The following STAG1 variants were observed in gnomAD, a reference collection of about 807,000 sequenced individuals.
STAG1 encodes STAG1 cohesin complex component.
In STAG1, 26 loss-of-function variants were observed where a neutral mutation model predicts 170.9. That is an observed-to-expected ratio of 0.15 (90% confidence interval 0.11 to 0.21). STAG1 has a LOEUF of 0.21. Ranked by LOEUF, STAG1 falls within the 10% of genes least tolerant of loss-of-function variation. The pLI, the probability that STAG1 is intolerant of heterozygous loss-of-function variation, is 1.00. For synonymous variants in STAG1, 514 were observed against 497.7 expected (o/e 1.03, Z -0.44); for missense variants, 964 against 1,509.5 (o/e 0.64, Z 5.99).
At chr3:136,442,693 T>TA (rs56744994) in intron 15 of STAG1, among the ~76,000 whole-genome samples, 54,646 of 148,638 alleles carry the variant, frequency 0.37, 10,891 homozygotes, top group African/African-American at 0.53. Flanking sequence ...TGGATGTACT[T>TA]AAAAAAAAAA....
rs1213400411 is a variant in STAG1 at position 136,702,115 on chromosome 3, G to GAGAGAGAC, written c.-84+50072_-84+50079dup. Among the ~76,000 whole-genome samples the GAGAGAGAC allele has an allele frequency of 3.7e-3, 245 of 66,348 alleles. 2 individuals are homozygous for GAGAGAGAC. The highest frequency in any genetic ancestry group is 7.0e-3 in the South Asian group (13 of 1,868). The allele number at this position is 66,348 out of a possible 152,430, so 43.5% of individuals were successfully genotyped here. A position where few individuals can be genotyped will look rare whatever the true frequency, so the allele number is the denominator to read the frequency against. Reference sequence around the variant, plus strand: ...AGAGAGAGAGAGAGAGAGAGAGAGAGAGAGAGACAGAGAGACAGAGAGACA... The same window carrying GAGAGAGAC: ...AGAGAGAGAGAGAGAGAGAGAGAGAGAGAGAGACAGAGAGACAGAGAGACAGAGAGACA... On this transcript the variant is annotated intron_variant, in intron 1 of 33. Coordinates refer to ENST00000383202, the MANE Select transcript of STAG1 (RefSeq NM_005862.3).
chr3:136,542,024 C>T (rs931882762), intron 6 of STAG1, 95 bp downstream of exon 6: 2 of 916,104 alleles, frequency 2.2e-6, no homozygotes, highest in African/African-American at 1.7e-5. Context: ...TTCAGTTACA[C>T]TAAACATCAA....
intron 25 of STAG1, among the ~76,000 whole-genome samples, chr3:136,363,947 T>C (rs1215560523): frequency 6.6e-6 from 1 of 152,076 alleles, no homozygotes; most frequent in East Asian, 1.9e-4. Context: ...TTTGTAGAGA[T>C]GGGGTTTTTG....
chr3:136,687,328 G>A (rs1942562415), intron 1 of STAG1, among the ~76,000 whole-genome samples: 1 of 152,074 alleles, frequency 6.6e-6, no homozygotes, highest in African/African-American at 2.4e-5. Context: ...CTACTATATT[G>A]TTGGAAGACA....
intron 20 of STAG1, among the ~76,000 whole-genome samples, chr3:136,419,476 T>A (rs879579895): frequency 1.3e-5 from 2 of 151,208 alleles, no homozygotes; most frequent in Non-Finnish European, 2.9e-5. Flanking sequence ...AAAGAGAGAG[T>A]CTTGCTCTGT....
intron 12 of STAG1, among the ~76,000 whole-genome samples, chr3:136,467,626 C>A (rs1294909961): frequency 6.6e-6 from 1 of 152,106 alleles, no homozygotes; most frequent in East Asian, 1.9e-4. Flanking sequence ...AAAGGATATC[C>A]AGGAATTGAA....
intron 6 of STAG1, among the ~76,000 whole-genome samples, chr3:136,540,738 C>T (rs886850365): frequency 7.4e-6 from 1 of 135,328 alleles, no homozygotes; most frequent in African/African-American, 2.7e-5. Context: ...ATGAGAACTG[C>T]TTGAACCGGG....
chr3:136,498,192 T>TAA lies in STAG1; in HGVS notation c.902+2029_902+2030dup, dbSNP rs71157387. On this transcript the variant is annotated intron_variant, in intron 9 of 33. Coordinates refer to ENST00000383202, the MANE Select transcript of STAG1 (RefSeq NM_005862.3). ...GGGCAACAAGAGCAAAACTCCATCTTAAAAAAAAAAAAAAAAATTATATAT... is the reference window on the plus strand; with the variant it reads ...GGGCAACAAGAGCAAAACTCCATCTTAAAAAAAAAAAAAAAAAAATTATATAT... 8.7e-4 allele frequency among the ~76,000 whole-genome samples: 52 copies of TAA among 59,992 alleles called. 1 individual carries two copies. Among genetic ancestry groups the TAA allele is most frequent in the African/African-American group, 2.3e-3 (36 of 15,378 alleles). 39.4% of individuals were successfully genotyped at this position (59,992 alleles called of 152,430 possible).
intron 10 of STAG1, among the ~76,000 whole-genome samples, chr3:136,474,565 A>G (rs1005041904): frequency 1.3e-4 from 20 of 152,206 alleles, no homozygotes; most frequent in African/African-American, 3.6e-4. Flanking sequence ...TTCATAGCCA[A>G]TATTAAGTTA....
At chr3:136,344,606 C>G (rs932768610) in intron 29 of STAG1, among the ~76,000 whole-genome samples, 1 of 152,008 alleles carries the variant, frequency 6.6e-6, no homozygotes, top group African/African-American at 2.4e-5. Flanking sequence ...CCCCCACTTA[C>G]CATTCTTTGT....
intron 1 of STAG1, among the ~76,000 whole-genome samples, chr3:136,655,138 A>G (rs968551541): frequency 6.6e-6 from 1 of 152,244 alleles, no homozygotes; most frequent in Non-Finnish European, 1.5e-5. Context: ...GGCAAACTGG[A>G]CTTCACAAAA....
At chr3:136,386,988 C>CA (rs578017309) in intron 22 of STAG1, among the ~76,000 whole-genome samples, 4 of 152,020 alleles carry the variant, frequency 2.6e-5, no homozygotes, top group Non-Finnish European at 4.4e-5. Context: ...TCTCAGAATA[C>CA]AAAAATAAAG....
intron 3 of STAG1, among the ~76,000 whole-genome samples, chr3:136,620,885 C>T (rs1939815549): frequency 6.6e-6 from 1 of 151,914 alleles, no homozygotes; most frequent in African/African-American, 2.4e-5. Context: ...TATTTCCTAC[C>T]ACAAAAGGGT....
chr3:136,541,314 T>A (rs1935888694), intron 6 of STAG1, among the ~76,000 whole-genome samples: 1 of 152,112 alleles, frequency 6.6e-6, no homozygotes. Context: ...CTGGAATTAA[T>A]GGTAGCCTAA....
intron 1 of STAG1, among the ~76,000 whole-genome samples, chr3:136,694,237 G>C (rs1168662335): frequency 6.6e-6 from 1 of 152,186 alleles, no homozygotes; most frequent in East Asian, 1.9e-4. Flanking sequence ...AGCTGAGGAA[G>C]TGGAGACAGG....
At chr3:136,572,586 A>G (rs1351543278) in intron 4 of STAG1, among the ~76,000 whole-genome samples, 2 of 138,958 alleles carry the variant, frequency 1.4e-5, no homozygotes, top group Non-Finnish European at 3.1e-5. Context: ...CCTGGGTGAC[A>G]GAGCAAGACT....
At chr3:136,630,223 C>G (rs1940277712) in intron 2 of STAG1, among the ~76,000 whole-genome samples, 1 of 151,998 alleles carries the variant, frequency 6.6e-6, no homozygotes, top group African/African-American at 2.4e-5. Context: ...AAATAAGTCC[C>G]AATTCTAAAT....
At chr3:136,742,344 C>T (rs1934709940) in intron 1 of STAG1, among the ~76,000 whole-genome samples, 1 of 152,102 alleles carries the variant, frequency 6.6e-6, no homozygotes, top group Non-Finnish European at 1.5e-5. Context: ...GGATTAAAAT[C>T]ATAAAGATAT....
chr3:136,631,594 G>A (rs1940330340), intron 1 of STAG1, among the ~76,000 whole-genome samples: 1 of 152,192 alleles, frequency 6.6e-6, no homozygotes, highest in African/African-American at 2.4e-5. Context: ...TTGATCAGCT[G>A]ATAAAAAATG....
Sources: allele counts gnomAD v4.1 joint callset (sites outside exome capture counted in the v4.1 genomes callset), GRCh38; gene constraint gnomAD v4.1.1; transcripts MANE v1.5; gene names NCBI Gene and HGNC (gene_info 2026-07-23, HGNC 2026-07-21).